Variants in ZBTB20 observed in about 807,000 individuals in gnomAD.
ZBTB20 encodes zinc finger and BTB domain containing 20, also known as zinc finger and BTB domain-containing protein 20.
A neutral mutation model predicts 56.9 loss-of-function variants in ZBTB20; 9 were observed. The observed-to-expected ratio is 0.16, with a 90% CI of 0.10 to 0.28. ZBTB20 has a LOEUF of 0.28. ZBTB20 is among the 10% of genes least tolerant of loss of function. ZBTB20 has a pLI of 1.00. For synonymous variants in ZBTB20, 417 were observed against 420.7 expected, an observed-to-expected ratio of 0.99 and a Z score of 0.11; for missense variants, 655 against 1,003.0, an observed-to-expected ratio of 0.65 and a Z score of 4.69.
chr3:114,644,140 T>A (rs2107939243), intron 6 of ZBTB20, among the ~76,000 whole-genome samples: 1 of 152,046 alleles, frequency 6.6e-6, no homozygotes, highest in East Asian at 1.9e-4. Context: ...TTAGGAAGGA[T>A]AAAGCCTAGA....
At chr3:114,376,119 C>G (rs1227595966) in intron 10 of ZBTB20, among the ~76,000 whole-genome samples, 1 of 152,192 alleles carries the variant, frequency 6.6e-6, no homozygotes, top group Non-Finnish European at 1.5e-5. Context: ...TTAATTCTGT[C>G]CGTGTGCACA....
At chr3:114,512,257 T>A (rs1028467272) in intron 6 of ZBTB20, among the ~76,000 whole-genome samples, 2 of 151,778 alleles carry the variant, frequency 1.3e-5, no homozygotes, top group Non-Finnish European at 2.9e-5. Context: ...CATGACAGCC[T>A]AATAAAGTTT....
rs563234879 is a variant in ZBTB20 at position 114,472,738 on chromosome 3, C to T, written c.-255+27614G>A. Among the ~76,000 whole-genome samples, 7 of 151,888 alleles carry T rather than the reference C, an allele frequency of 4.6e-5. No homozygotes were observed. In the South Asian group the frequency reaches 1.5e-3, roughly 32 times the overall value. ...GAAAAAAAAAAAAGATACCTCACTG[C>T]TCTCCTTCCCTTCTGTGTGGCCCAA... On this transcript the variant is annotated intron_variant, in intron 7 of 11. Transcript: ENST00000675478.
At chr3:114,987,353 G>C (rs568926126) in intron 2 of ZBTB20, among the ~76,000 whole-genome samples, 73 of 152,190 alleles carry the variant, frequency 4.8e-4, no homozygotes, top group Admixed American at 1.0e-3. Context: ...AATGCAGAAA[G>C]CTTACTACTA....
At chr3:115,077,409 C>A (rs1340552883) in intron 1 of ZBTB20, among the ~76,000 whole-genome samples, 4 of 152,164 alleles carry the variant, frequency 2.6e-5, no homozygotes, top group Non-Finnish European at 5.9e-5. Context: ...TGCCCTTCCA[C>A]AATGTGTGGG....
At chr3:114,384,000 C>G (rs1298929997) in intron 8 of ZBTB20, among the ~76,000 whole-genome samples, 1 of 152,120 alleles carries the variant, frequency 6.6e-6, no homozygotes, top group African/African-American at 2.4e-5. Context: ...CAGCGGATTT[C>G]AGAGAGGCGA....
At chr3:115,007,793 G>A (rs1167385728) in intron 2 of ZBTB20, among the ~76,000 whole-genome samples, 1 of 151,556 alleles carries the variant, frequency 6.6e-6, no homozygotes, top group Non-Finnish European at 1.5e-5. Flanking sequence ...CACCAAGATC[G>A]CAAATCACAA....
At position 114,318,625 on chromosome 3, in the gene ZBTB20, A is replaced by G. The variant is rs1480798551; in HGVS notation, c.*20380T>C. 2.0e-5 allele frequency: 3 copies of G among 152,320 alleles called. No individual in the cohort carries two copies. Among genetic ancestry groups the G allele is most frequent in the Admixed American group, 6.5e-5 (1 of 15,302 alleles). The allele number at this position is 152,320 out of a possible 1,614,324, so 9.4% of individuals were successfully genotyped here. ...CTCTCTTTGCATCAGGTTGGCCCCC[A>G]GTCCCTAAGAAGGCAATGATTTGAG... On this transcript the variant is annotated 3_prime_UTR_variant, in exon 12 of 12. Transcript: ENST00000675478.
chr3:114,652,254 G>A (rs936836942), intron 6 of ZBTB20, among the ~76,000 whole-genome samples: 7 of 151,712 alleles, frequency 4.6e-5, no homozygotes, highest in African/African-American at 7.3e-5. Context: ...GAATAGTTTC[G>A]CCTTCACATA....
intron 3 of ZBTB20, among the ~76,000 whole-genome samples, chr3:114,927,867 T>A (rs1315615973): frequency 1.3e-5 from 2 of 152,198 alleles, no homozygotes; most frequent in Non-Finnish European, 2.9e-5. Flanking sequence ...AAAACTCTTA[T>A]TTAAAACTCA....
At chr3:115,016,553 CATTT>C (rs2079967846) in intron 2 of ZBTB20, among the ~76,000 whole-genome samples, 1 of 151,720 alleles carries the variant, frequency 6.6e-6, no homozygotes, top group African/African-American at 2.4e-5. Flanking sequence ...CTCCCAGTAC[CATTT>C]ATTAGAGGGA....
chr3:115,046,539 T>C, intron 2 of ZBTB20, among the ~76,000 whole-genome samples: 1 of 152,168 alleles, frequency 6.6e-6, no homozygotes, highest in African/African-American at 2.4e-5. Context: ...AAAAATCTTG[T>C]TGACCTTAAA....
intron 2 of ZBTB20, among the ~76,000 whole-genome samples, chr3:114,985,654 A>T (rs2078509914): frequency 6.6e-6 from 1 of 152,108 alleles, no homozygotes; most frequent in Non-Finnish European, 1.5e-5. Flanking sequence ...CTGCCAAAAT[A>T]GATGGGTCAA....
At chr3:114,927,631 T>G (rs2076206100) in intron 3 of ZBTB20, among the ~76,000 whole-genome samples, 1 of 152,164 alleles carries the variant, frequency 6.6e-6, no homozygotes, top group South Asian at 2.1e-4. Context: ...ATACCACATC[T>G]CAAAGATTGA....
chr3:114,390,049 T>G (rs1478228103), intron 7 of ZBTB20, among the ~76,000 whole-genome samples: 1 of 152,204 alleles, frequency 6.6e-6, no homozygotes, highest in African/African-American at 2.4e-5. Context: ...TCCTCCTGTC[T>G]AACCGAAATT....
chr3:115,009,769 G>A (rs1229773083), intron 2 of ZBTB20, among the ~76,000 whole-genome samples: 1 of 151,838 alleles, frequency 6.6e-6, no homozygotes, highest in Admixed American at 6.6e-5. Flanking sequence ...CCCATTTGAT[G>A]AGCTCTTTCA....
chr3:114,821,252 T>C (rs775670750), intron 4 of ZBTB20, among the ~76,000 whole-genome samples: 2 of 152,174 alleles, frequency 1.3e-5, no homozygotes, highest in Non-Finnish European at 2.9e-5. Context: ...TGCAGAATAA[T>C]GCACTGAAGT....
chr3:114,780,906 C>T (rs2070044442), intron 5 of ZBTB20, among the ~76,000 whole-genome samples: 1 of 152,164 alleles, frequency 6.6e-6, no homozygotes, highest in African/African-American at 2.4e-5. Context: ...GTATTACCAA[C>T]ATGCTAACTG....
chr3:115,141,588 A>C (rs961823031), intron 1 of ZBTB20, among the ~76,000 whole-genome samples: 1 of 152,224 alleles, frequency 6.6e-6, no homozygotes, highest in African/African-American at 2.4e-5. Context: ...TTCATAAAAC[A>C]AAGTAGGGTG....
Sources: allele counts gnomAD v4.1 joint callset (sites outside exome capture counted in the v4.1 genomes callset), GRCh38; gene constraint gnomAD v4.1.1; transcripts MANE v1.5; gene names NCBI Gene and HGNC (gene_info 2026-07-23, HGNC 2026-07-21).